GLRA2: variants seen among roughly 807,000 people sequenced by gnomAD.
GLRA2 encodes the protein glycine receptor alpha 2, also known as glycine receptor subunit alpha-2.
GLRA2 carries 11 observed loss-of-function variants against 31.6 expected under a neutral mutation model. The observed-to-expected ratio is 0.35, with a 90% confidence interval of 0.22 to 0.58. GLRA2 has a LOEUF of 0.58. Ranked by LOEUF, GLRA2 falls within the 20% of genes least tolerant of loss-of-function variation. The pLI is 0.84. For synonymous variants in GLRA2, 132 were observed against 134.0 expected, an observed-to-expected ratio of 0.99 and a Z score of 0.10; for missense variants, 212 against 351.8, an observed-to-expected ratio of 0.60 and a Z score of 3.18.
rs951197490 is a variant in GLRA2 at position 14,561,382 on chromosome X, G to A, written c.203-12951G>A. ...GCCTCCTAGTCTGATTAGGAGCAGG[G>A]CCAGGCAAAGTTGGCTTACAGACCG... On this transcript the variant is annotated intron_variant, in intron 2 of 8. Coordinates refer to ENST00000218075, the MANE Select transcript of GLRA2 (RefSeq NM_002063.4). Among the ~76,000 whole-genome samples the A allele has an allele frequency of 3.6e-5, 4 of 112,316 alleles. No individual in the cohort carries two copies. In the South Asian group the frequency reaches 1.5e-3, roughly 41 times the overall value.
intron 3 of GLRA2, among the ~76,000 whole-genome samples, chrX:14,575,983 C>A (rs1389137277): frequency 1.8e-5 from 2 of 108,989 alleles, no homozygotes; most frequent in Non-Finnish European, 3.8e-5. Context: ...TTGATAAAAC[C>A]AAAATCAAGT....
At chrX:14,488,076 G>A in the GLRA2 span, among the ~76,000 whole-genome samples, 34 of 111,382 alleles carry the variant, frequency 3.1e-4, no homozygotes, top group African/African-American at 1.0e-3. Context: ...TAGTTTTGGG[G>A]CAGAATGCAT....
At chrX:14,467,572 G>A in the GLRA2 span, among the ~76,000 whole-genome samples, 8 of 112,479 alleles carry the variant, frequency 7.1e-5, no homozygotes, top group Non-Finnish European at 1.5e-4. Context: ...CAACATCTAA[G>A]TGGTGGTAAA....
At chrX:14,628,473 CAGAG>C (rs1239371670) in intron 7 of GLRA2, among the ~76,000 whole-genome samples, 3 of 111,553 alleles carry the variant, frequency 2.7e-5, no homozygotes, top group Admixed American at 1.9e-4. Flanking sequence ...TCTCAGCCCT[CAGAG>C]AGCTCACATC....
At chrX:14,727,822 T>C (rs2091945025) in intron 8 of GLRA2, among the ~76,000 whole-genome samples, 1 of 111,991 alleles carries the variant, frequency 8.9e-6, no homozygotes, top group Admixed American at 9.5e-5. Flanking sequence ...CTTCCTTATA[T>C]GATAATACCT....
the GLRA2 span, among the ~76,000 whole-genome samples, chrX:14,453,015 G>T: frequency 8.9e-6 from 1 of 111,967 alleles, no homozygotes; most frequent in South Asian, 3.7e-4. Flanking sequence ...AAGATCATAT[G>T]AAAGCAATTT....
intron 2 of GLRA2, among the ~76,000 whole-genome samples, chrX:14,536,380 T>G (rs2089323410): frequency 9.0e-6 from 1 of 111,679 alleles, no homozygotes; most frequent in Admixed American, 9.5e-5. Flanking sequence ...AAAGGGTGCT[T>G]CTTTAAGTTA....
At chrX:14,575,825 A>G (rs1393825824) in intron 3 of GLRA2, among the ~76,000 whole-genome samples, 1 of 111,582 alleles carries the variant, frequency 9.0e-6, no homozygotes, top group Non-Finnish European at 1.9e-5. Flanking sequence ...TTGGATCATT[A>G]GTCTTACCCC....
intron 7 of GLRA2, among the ~76,000 whole-genome samples, chrX:14,631,051 G>C (rs1569513360): frequency 9.0e-6 from 1 of 110,741 alleles, no homozygotes; most frequent in Non-Finnish European, 1.9e-5. Flanking sequence ...CAATACTGTT[G>C]CACTGGGAAT....
intron 7 of GLRA2, among the ~76,000 whole-genome samples, chrX:14,628,310 T>A (rs908704624): frequency 4.5e-5 from 5 of 111,581 alleles, no homozygotes; most frequent in African/African-American, 1.6e-4. Flanking sequence ...CAAAATAGAA[T>A]TTAATTAGAG....
the GLRA2 span, among the ~76,000 whole-genome samples, chrX:14,465,580 A>G: frequency 8.9e-6 from 1 of 111,964 alleles, no homozygotes; most frequent in South Asian, 3.7e-4. Flanking sequence ...TCTTCTTTCT[A>G]TCAGCTATTG....
chrX:14,515,557 A>G, the GLRA2 span, among the ~76,000 whole-genome samples: 1 of 111,396 alleles, frequency 9.0e-6, no homozygotes, highest in African/African-American at 3.3e-5. Context: ...TTTCCAAATT[A>G]TTTGTCTCTG....
chrX:14,531,271 G>T, intron 1 of GLRA2: 1 of 415,282 alleles, frequency 2.4e-6, no homozygotes, highest in Non-Finnish European at 3.9e-6. Flanking sequence ...TCTTTGAAAA[G>T]CTGGCAAGAA....
At chrX:14,480,371 G>T in the GLRA2 span, among the ~76,000 whole-genome samples, 3 of 111,668 alleles carry the variant, frequency 2.7e-5, no homozygotes, top group African/African-American at 9.8e-5. Flanking sequence ...AGTTTAATTA[G>T]GTCACACTTG....
the GLRA2 span, among the ~76,000 whole-genome samples, chrX:14,513,273 T>A: frequency 8.9e-6 from 1 of 111,784 alleles, no homozygotes; most frequent in Non-Finnish European, 1.9e-5. Flanking sequence ...CAACTCAAGA[T>A]GGATCAAAGA....
intron 3 of GLRA2, among the ~76,000 whole-genome samples, chrX:14,577,542 G>C (rs1296504959): frequency 8.9e-6 from 1 of 112,222 alleles, no homozygotes; most frequent in African/African-American, 3.2e-5. Flanking sequence ...AGTTCTGGAG[G>C]CTGGAAGTGT....
intron 3 of GLRA2, among the ~76,000 whole-genome samples, chrX:14,578,464 A>G (rs2089980639): frequency 8.9e-6 from 1 of 112,086 alleles, no homozygotes; most frequent in East Asian, 2.8e-4. Context: ...TCAAAAATGC[A>G]TTTTTGTTCA....
At chrX:14,673,080 T>C (rs1004665355) in intron 7 of GLRA2, among the ~76,000 whole-genome samples, 6 of 111,480 alleles carry the variant, frequency 5.4e-5, no homozygotes, top group African/African-American at 9.8e-5. Flanking sequence ...TACCATTCAA[T>C]TGAAATTCAT....
intron 5 of GLRA2, among the ~76,000 whole-genome samples, chrX:14,605,095 G>A (rs2090320196): frequency 1.8e-5 from 2 of 111,458 alleles, no homozygotes; most frequent in African/African-American, 6.5e-5. Context: ...CAAAGTAACA[G>A]GATTTTCAGT....
Sources: gnomAD v4.1 joint callset for allele counts (sites outside exome capture counted in the v4.1 genomes callset) on GRCh38, gnomAD v4.1.1 for gene constraint, MANE v1.5 for transcripts, NCBI Gene and HGNC (gene_info 2026-07-23, HGNC 2026-07-21) for gene names.